AKAP6: variants seen among roughly 807,000 people sequenced by gnomAD.
AKAP6 encodes the protein A-kinase anchor protein 6.
Under a neutral mutation model 188.5 loss-of-function variants are expected in AKAP6, and 58 were observed. The ratio of observed to expected loss-of-function variants is 0.31; its 90% CI spans 0.25 to 0.38. AKAP6 has a LOEUF of 0.38. Ranked by LOEUF, AKAP6 falls within the 10% of genes least tolerant of loss-of-function variation. The pLI is 1.00. For missense variants in AKAP6, 2,710 were observed against 2,740.0 expected, an observed-to-expected ratio of 0.99 and a Z score of 0.24; for synonymous variants, 989 against 998.6, an observed-to-expected ratio of 0.99 and a Z score of 0.18.
At chr14:32,601,932 G>A (rs1885942255) in intron 7 of AKAP6, among the ~76,000 whole-genome samples, 1 of 152,166 alleles carries the variant, frequency 6.6e-6, no homozygotes, top group Non-Finnish European at 1.5e-5. Flanking sequence ...TTATTTGTTG[G>A]AAACAGAGGA....
chr14:32,392,181 G>T (rs1888737389), intron 1 of AKAP6, among the ~76,000 whole-genome samples: 1 of 152,272 alleles, frequency 6.6e-6, no homozygotes, highest in Middle Eastern at 3.4e-3. Flanking sequence ...TATATTACAA[G>T]GTGAAAGAAT....
chr14:32,345,861 G>A (rs754493851), intron 1 of AKAP6, among the ~76,000 whole-genome samples: 1 of 152,194 alleles, frequency 6.6e-6, no homozygotes, highest in African/African-American at 2.4e-5. Flanking sequence ...TGTATAAGAG[G>A]GAGAAAGGCA....
At chr14:32,726,145 A>T in intron 9 of AKAP6, 15 of 976,524 alleles carry the variant, frequency 1.5e-5, no homozygotes, top group Non-Finnish European at 1.8e-5. Context: ...TTTCTTTTAC[A>T]CACCATAGAC....
chr14:32,571,040 G>C (rs1259349651), intron 4 of AKAP6, among the ~76,000 whole-genome samples: 1 of 152,084 alleles, frequency 6.6e-6, no homozygotes, highest in Non-Finnish European at 1.5e-5. Context: ...GTAAAATGGG[G>C]ATAACTATAG....
intron 7 of AKAP6, among the ~76,000 whole-genome samples, chr14:32,645,079 G>A (rs904359925): frequency 6.6e-6 from 1 of 152,094 alleles, no homozygotes; most frequent in Non-Finnish European, 1.5e-5. Context: ...GCTAAAGGTG[G>A]TGCTATTATC....
intron 9 of AKAP6, chr14:32,726,090 C>T (rs1009766325): frequency 5.4e-5 from 40 of 735,922 alleles, no homozygotes; most frequent in South Asian, 3.7e-4. Flanking sequence ...CAATTTCCAA[C>T]GACCAGATTA....
In AKAP6 at chr14:32,821,299, G is replaced by A; in HGVS notation, c.3589-103G>A. The A allele has an allele frequency of 5.5e-6, 7 of 1,272,992 alleles. No homozygotes were observed. The East Asian group carries it at 1.4e-4, about 26-fold the overall frequency. 78.9% of individuals were successfully genotyped at this position (1,272,992 alleles called of 1,614,324 possible). ...GGCCGTCTTTCAAGTCCATGCTTGG[G>A]GCAGTTTTCTTTCCTGAGTCTTCTG... On this transcript the variant is annotated intron_variant, in intron 12 of 13. Transcript: ENST00000280979.
intron 7 of AKAP6, among the ~76,000 whole-genome samples, chr14:32,629,997 GA>G (rs1264110669): frequency 6.6e-6 from 1 of 152,110 alleles, no homozygotes; most frequent in African/African-American, 2.4e-5. Flanking sequence ...ATTATGAGAG[GA>G]AAAGAAAACT....
intron 2 of AKAP6, among the ~76,000 whole-genome samples, chr14:32,474,865 A>T (rs745561): frequency 0.48 from 72,812 of 151,938 alleles, 17,776 homozygotes; most frequent in East Asian, 0.67. Flanking sequence ...TAGGAATTAT[A>T]TGAATTTCTT....
At chr14:32,673,063 A>G (rs1304058717) in intron 7 of AKAP6, among the ~76,000 whole-genome samples, 1 of 152,138 alleles carries the variant, frequency 6.6e-6, no homozygotes, top group Non-Finnish European at 1.5e-5. Flanking sequence ...TCCAGCCACC[A>G]TTCTCTGAAC....
intron 2 of AKAP6, chr14:32,438,675 T>C (rs180829729): frequency 4.6e-5 from 7 of 152,228 alleles, no homozygotes; most frequent in Non-Finnish European, 8.8e-5. Context: ...GCTTCTTAGC[T>C]TCCAGATATT....
At chr14:32,675,294 T>C (rs1889380766) in intron 7 of AKAP6, among the ~76,000 whole-genome samples, 1 of 152,214 alleles carries the variant, frequency 6.6e-6, no homozygotes, top group South Asian at 2.1e-4. Flanking sequence ...TCACCGAGTC[T>C]TCTTCCCCAA....
intron 2 of AKAP6, among the ~76,000 whole-genome samples, chr14:32,492,355 T>TATATATATATATATAGAGAG: frequency 0.012 from 995 of 82,448 alleles, 22 homozygotes; most frequent in East Asian, 0.034. Context: ...TATATATATA[T>TATATATATATATATAGAGAG]AGAGAGAGAG....
At chr14:32,772,795 A>G (rs780821326) in intron 11 of AKAP6, among the ~76,000 whole-genome samples, 6 of 152,210 alleles carry the variant, frequency 3.9e-5, no homozygotes, top group Non-Finnish European at 8.8e-5. Context: ...GAACAGTCCA[A>G]TTGTGGCAGT....
At chr14:32,826,633 G>T (rs749517716) in intron 13 of AKAP6, among the ~76,000 whole-genome samples, 1 of 152,196 alleles carries the variant, frequency 6.6e-6, no homozygotes, top group African/African-American at 2.4e-5. Flanking sequence ...CACTGGAGAA[G>T]CCTTTGCGAA....
At chr14:32,620,537 T>C (rs1412929828) in intron 7 of AKAP6, among the ~76,000 whole-genome samples, 4 of 152,146 alleles carry the variant, frequency 2.6e-5, no homozygotes, top group African/African-American at 9.7e-5. Flanking sequence ...ATGAGTTATC[T>C]TTTTGATGTG....
At chr14:32,637,485 G>A (rs1227991966) in intron 7 of AKAP6, among the ~76,000 whole-genome samples, 1 of 152,092 alleles carries the variant, frequency 6.6e-6, no homozygotes, top group African/African-American at 2.4e-5. Flanking sequence ...AAAGGGAGAT[G>A]TTTGATAAGT....
At chr14:32,745,788 A>C (rs1213096931) in intron 11 of AKAP6, among the ~76,000 whole-genome samples, 1 of 152,186 alleles carries the variant, frequency 6.6e-6, no homozygotes, top group Non-Finnish European at 1.5e-5. Flanking sequence ...GTTGGGTCCA[A>C]GAGGTGCCTT....
At chr14:32,725,005 A>C (rs1010805744) in intron 9 of AKAP6, among the ~76,000 whole-genome samples, 2 of 149,438 alleles carry the variant, frequency 1.3e-5, no homozygotes, top group African/African-American at 2.4e-5. Flanking sequence ...AAAAAAAAAA[A>C]AAAAAAAAAA....
Sources: gnomAD v4.1 joint callset for allele counts (sites outside exome capture counted in the v4.1 genomes callset) on GRCh38, gnomAD v4.1.1 for gene constraint, MANE v1.5 for transcripts, NCBI Gene and HGNC (gene_info 2026-07-23, HGNC 2026-07-21) for gene names.